The following TOPAZ1 variants were observed in gnomAD, a reference collection of about 807,000 sequenced individuals.
The protein encoded by TOPAZ1 is protein TOPAZ1.
A neutral mutation model predicts 172.2 loss-of-function variants in TOPAZ1; 66 were observed. That is an observed-to-expected ratio of 0.38 (90% CI 0.31 to 0.47). The LOEUF is 0.47. Among genes scored for constraint, TOPAZ1 ranks in the 20% least tolerant of loss-of-function variants. The pLI is 0.99. For missense variants in TOPAZ1, 1,822 were observed against 1,972.4 expected, an observed-to-expected ratio of 0.92 and a Z score of 1.44; for synonymous variants, 681 against 683.9, an observed-to-expected ratio of 1.00 and a Z score of 0.07.
At chr3:44,328,205 C>T in intron 18 of TOPAZ1, 45 bp from the exon 19 acceptor site, 1 of 1,271,580 alleles carries the variant, frequency 7.9e-7, no homozygotes, top group Non-Finnish European at 1.0e-6. Flanking sequence ...TAGGTTTTTA[C>T]CTATTGGGTT....
At chr3:44,249,361 G>T (rs1699603507) in intron 2 of TOPAZ1, among the ~76,000 whole-genome samples, 1 of 152,104 alleles carries the variant, frequency 6.6e-6, no homozygotes, top group South Asian at 2.1e-4. Flanking sequence ...GCAAAAATTT[G>T]TATTGATCCT....
chr3:44,332,295 G>T (rs1330752076), downstream of TOPAZ1, among the ~76,000 whole-genome samples: 2 of 152,104 alleles, frequency 1.3e-5, no homozygotes, highest in African/African-American at 4.8e-5. Context: ...GCAGCATTTA[G>T]TAAGAGGGAG....
At chr3:44,326,817 A>C (rs1700605412) in intron 18 of TOPAZ1, among the ~76,000 whole-genome samples, 1 of 152,166 alleles carries the variant, frequency 6.6e-6, no homozygotes, top group African/African-American at 2.4e-5. Flanking sequence ...TTCTCCCCAA[A>C]ATCAAATGTG....
chr3:44,280,284 T>G (rs1462144766), intron 8 of TOPAZ1, among the ~76,000 whole-genome samples: 3 of 149,214 alleles, frequency 2.0e-5, no homozygotes, highest in African/African-American at 7.3e-5. Context: ...TTCCTTTCCT[T>G]TCCTTTTCTT....
chr3:44,311,126 T>C (rs547232159), intron 16 of TOPAZ1, among the ~76,000 whole-genome samples: 35 of 152,096 alleles, frequency 2.3e-4, no homozygotes, highest in African/African-American at 4.8e-4. Context: ...CACTAGCACA[T>C]ATATATATAT....
chr3:44,298,911 T>TA (rs1559541872), intron 12 of TOPAZ1, among the ~76,000 whole-genome samples: 302 of 20,030 alleles, frequency 0.015, 1 homozygote, highest in African/African-American at 0.02. Context: ...ATATATATAT[T>TA]TTTTTTTTTT....
At chr3:44,290,734 T>C (rs1700127888) in intron 11 of TOPAZ1, 37 bp from the exon 12 acceptor site, 3 of 1,349,164 alleles carry the variant, frequency 2.2e-6, no homozygotes, top group Non-Finnish European at 1.0e-6. Context: ...TGTCACATTT[T>C]TGTAAGAATA....
intron 8 of TOPAZ1, among the ~76,000 whole-genome samples, chr3:44,275,301 A>G (rs1183323397): frequency 1.3e-5 from 2 of 151,980 alleles, no homozygotes; most frequent in Non-Finnish European, 2.9e-5. Flanking sequence ...TAGAACTTAT[A>G]CCTTCCAACT....
intron 16 of TOPAZ1, among the ~76,000 whole-genome samples, chr3:44,311,865 T>C (rs1036477661): frequency 1.3e-5 from 2 of 152,120 alleles, no homozygotes; most frequent in African/African-American, 4.8e-5. Context: ...CATTAGACTA[T>C]CAAAGATCAA....
chr3:44,304,111 C>A, intron 13 of TOPAZ1, 30 bp downstream of exon 13: 1 of 1,277,728 alleles, frequency 7.8e-7, no homozygotes, highest in Non-Finnish European at 1.1e-6. Flanking sequence ...AAATACATTG[C>A]TGGGATCTCT....
In TOPAZ1 at chr3:44,312,465, C is replaced by T. The variant is rs201026164; in HGVS notation, c.4306+2475C>T. ...TATATTTTTCCTTTTTAAAAATATG[C>T]TTTTATTACCTACTGAATTTGCAAA... On this transcript the variant is annotated intron_variant, in intron 16 of 19. Coordinates refer to ENST00000309765, the MANE Select transcript of TOPAZ1 (RefSeq NM_001145030.2). Among the ~76,000 whole-genome samples the T allele has an allele frequency of 3.9e-5, 6 of 152,176 alleles. No homozygotes were observed. The East Asian group carries it at 7.7e-4, about 20-fold the overall frequency.
At position 44,244,498 on chromosome 3, in the gene TOPAZ1, C is replaced by T; in HGVS notation, c.1992C>T (p.Cys664=). Reference sequence around the variant, plus strand: ...GCAAAACTATTCATCGAAAAGCATGCATTGCTCAACAAACATTTATAGTTC... The same window carrying T: ...GCAAAACTATTCATCGAAAAGCATGTATTGCTCAACAAACATTTATAGTTC... ...SAGKTIHRKA[C]IAQQTFIVPD... The change falls in exon 2 of 20, where the codon TGC becomes TGT. Residue 664 remains cysteine, a synonymous_variant. Transcript: ENST00000309765. 1.9e-6 allele frequency: 3 copies of T among 1,551,578 alleles called. No individual in the cohort carries two copies. Among genetic ancestry groups the T allele is most frequent in the Middle Eastern group, 1.7e-4 (1 of 5,990 alleles).
chr3:44,314,442 A>G (rs749029706), intron 16 of TOPAZ1, among the ~76,000 whole-genome samples: 11 of 152,152 alleles, frequency 7.2e-5, no homozygotes, highest in Admixed American at 1.3e-4. Flanking sequence ...TAACGTAGGT[A>G]ATAGTATCCC....
At chr3:44,281,477 A>G (rs1367598306) in intron 8 of TOPAZ1, among the ~76,000 whole-genome samples, 1 of 152,242 alleles carries the variant, frequency 6.6e-6, no homozygotes, top group African/African-American at 2.4e-5. Context: ...TGCCAAGATC[A>G]TGAAAATGTT....
At chr3:44,292,546 C>T (rs1037340201) in intron 12 of TOPAZ1, among the ~76,000 whole-genome samples, 1 of 113,960 alleles carries the variant, frequency 8.8e-6, no homozygotes, top group Non-Finnish European at 1.9e-5. Context: ...AAGAGAATAG[C>T]AGTATCTGGT....
intron 18 of TOPAZ1, among the ~76,000 whole-genome samples, chr3:44,323,652 T>A (rs571985136): frequency 1.9e-3 from 295 of 152,350 alleles, no homozygotes; most frequent in African/African-American, 6.7e-3. Flanking sequence ...GAAGATCTGT[T>A]TTTATTTATC....
intron 18 of TOPAZ1, among the ~76,000 whole-genome samples, chr3:44,325,157 T>A (rs1021472976): frequency 6.6e-6 from 1 of 152,194 alleles, no homozygotes; most frequent in South Asian, 2.1e-4. Context: ...ATATTGGAAC[T>A]CCTTTTGGAT....
intron 16 of TOPAZ1, among the ~76,000 whole-genome samples, chr3:44,317,266 C>G (rs558154903): frequency 6.6e-6 from 1 of 152,114 alleles, no homozygotes; most frequent in Non-Finnish European, 1.5e-5. Context: ...AAGAAAAATA[C>G]AAAAATTAGC....
chr3:44,256,438 G>A (rs957887644), intron 4 of TOPAZ1, among the ~76,000 whole-genome samples, 160 bp downstream of exon 4: 1 of 152,196 alleles, frequency 6.6e-6, no homozygotes, highest in Non-Finnish European at 1.5e-5. Flanking sequence ...GATACTTGGT[G>A]TAAGCATAGT....
Sources: gnomAD v4.1 joint callset for allele counts (sites outside exome capture counted in the v4.1 genomes callset) on GRCh38, gnomAD v4.1.1 for gene constraint, MANE v1.5 for transcripts, NCBI Gene and HGNC (gene_info 2026-07-23, HGNC 2026-07-21) for gene names.